The following PABIR3 variants were observed in gnomAD, a reference collection of about 807,000 sequenced individuals.
PABIR3 encodes the protein PABIR family member 3.
A neutral mutation model predicts 23.1 loss-of-function variants in PABIR3; 20 were observed. That is an observed-to-expected ratio of 0.86 (90% confidence interval 0.61 to 1.26). The LOEUF (loss-of-function observed/expected upper bound fraction) is 1.26. Ranked by LOEUF, PABIR3 falls within the 50% of genes most tolerant of loss-of-function variation. The pLI, the probability that PABIR3 is intolerant of heterozygous loss-of-function variation, is 0.00. For missense variants in PABIR3, 189 were observed against 195.4 expected, an observed-to-expected ratio of 0.97 and a Z score of 0.20; for synonymous variants, 69 against 68.5, an observed-to-expected ratio of 1.01 and a Z score of -0.04.
rs868581874 is a variant in PABIR3, at chrX:134,821,610, T to C, written c.189+6761T>C. Reference sequence around the variant, plus strand: ...CTTTTCTTGAGCAATTCATCTGTTCTAATTTTAGGCCTACTGACATCTGTC... The same window carrying C: ...CTTTTCTTGAGCAATTCATCTGTTCCAATTTTAGGCCTACTGACATCTGTC... On this transcript the variant is annotated intron_variant, in intron 3 of 10. Transcript: ENST00000645433. 3 of 1,132,712 alleles carry C rather than the reference T, an allele frequency of 2.6e-6. No individual in the cohort carries two copies. In the Middle Eastern group the frequency reaches 7.2e-4, roughly 272 times the overall value. 93.3% of individuals were successfully genotyped at this position (1,132,712 alleles called of 1,213,427 possible).
intron 1 of PABIR3, among the ~76,000 whole-genome samples, chrX:134,799,233 C>T (rs1405599849): frequency 1.8e-5 from 2 of 111,222 alleles, no homozygotes; most frequent in Non-Finnish European, 3.8e-5. Context: ...TAGCATTAGG[C>T]CATAATAACA....
chrX:134,845,033 A>C (rs2082387841), intron 4 of PABIR3, among the ~76,000 whole-genome samples, 172 bp from the exon 5 acceptor site: 1 of 112,213 alleles, frequency 8.9e-6, no homozygotes, highest in Non-Finnish European at 1.9e-5. Context: ...TGGTGTGATA[A>C]TTTGTGAAGC....
downstream of PABIR3, among the ~76,000 whole-genome samples, chrX:134,855,582 A>T (rs2082745569): frequency 8.9e-6 from 1 of 112,019 alleles, no homozygotes; most frequent in African/African-American, 3.2e-5. Context: ...TATCTCAAAT[A>T]CGTATAAAAG....
Position 134,808,858 on chromosome X carries a change from G to A in PABIR3, c.110+1150G>A, listed in dbSNP as rs781588751. Reference sequence around the variant, plus strand: ...TGGAGCAGAAAGTTTTGGTACCACAGAAGCTTGATCTCCTAAATTACACAT... The same window carrying A: ...TGGAGCAGAAAGTTTTGGTACCACAAAAGCTTGATCTCCTAAATTACACAT... On this transcript the variant is annotated intron_variant, in intron 2 of 10. Coordinates refer to ENST00000645433, the MANE Select transcript of PABIR3 (RefSeq NM_001388447.1). Among the ~76,000 whole-genome samples, 4 of 111,964 alleles carry A rather than the reference G, an allele frequency of 3.6e-5. No homozygotes were observed. The South Asian group carries it at 1.5e-3, about 41-fold the overall frequency.
chrX:134,815,240 C>G (rs866393596), intron 3 of PABIR3, among the ~76,000 whole-genome samples: 1 of 109,784 alleles, frequency 9.1e-6, no homozygotes, highest in Non-Finnish European at 1.9e-5. Flanking sequence ...TTTGCAGACT[C>G]TCCTAAAAGT....
chrX:134,814,555 G>C (rs1017540711), intron 2 of PABIR3, among the ~76,000 whole-genome samples: 5 of 110,606 alleles, frequency 4.5e-5, no homozygotes, highest in East Asian at 5.7e-4. Flanking sequence ...AAAATTAGCT[G>C]GGCATGGTGG....
At chrX:134,849,302 C>T in intron 9 of PABIR3, 74 bp downstream of exon 9, 2 of 454,028 alleles carry the variant, frequency 4.4e-6, no homozygotes, top group South Asian at 1.1e-4. Context: ...AAATGTTATA[C>T]AAAAATGTAT....
chrX:134,802,333 C>T (rs756326148), upstream of PABIR3, among the ~76,000 whole-genome samples: 1 of 111,720 alleles, frequency 9.0e-6, no homozygotes, highest in African/African-American at 3.3e-5. Flanking sequence ...GATCCACCCA[C>T]CTCGGCCTCC....
chrX:134,820,982 A>G (rs1027035954), intron 3 of PABIR3, among the ~76,000 whole-genome samples: 56 of 106,980 alleles, frequency 5.2e-4, no homozygotes, highest in African/African-American at 1.9e-3. Context: ...AGATCCCGCC[A>G]CTGCACTCCA....
chrX:134,849,481 A>C (rs1486813331), intron 9 of PABIR3, among the ~76,000 whole-genome samples: 2 of 111,816 alleles, frequency 1.8e-5, no homozygotes, highest in Admixed American at 9.6e-5. Context: ...TTTCAATATA[A>C]TTCACCAAGG....
chrX:134,823,222 A>G (rs2081366811), intron 3 of PABIR3, among the ~76,000 whole-genome samples: 1 of 112,326 alleles, frequency 8.9e-6, no homozygotes, highest in African/African-American at 3.2e-5. Flanking sequence ...GTACCCCCAA[A>G]CCTAAAATAA....
intron 3 of PABIR3, among the ~76,000 whole-genome samples, chrX:134,816,633 C>G (rs2080994978): frequency 9.0e-6 from 1 of 111,156 alleles, no homozygotes; most frequent in Admixed American, 9.6e-5. Context: ...GGTGTTGATT[C>G]TTTAAATGTT....
chrX:134,836,214 A>T (rs1372327373), intron 4 of PABIR3, among the ~76,000 whole-genome samples: 1 of 110,830 alleles, frequency 9.0e-6, no homozygotes, highest in African/African-American at 3.3e-5. Context: ...CTCAAGTGGT[A>T]CTCCTGCCTC....
chrX:134,823,964 C>A (rs931724424), intron 3 of PABIR3, among the ~76,000 whole-genome samples: 1 of 111,378 alleles, frequency 9.0e-6, no homozygotes, highest in African/African-American at 3.3e-5. Flanking sequence ...TATAAGTTTT[C>A]TGGAGGGCAG....
At chrX:134,819,833 C>T (rs752271221) in intron 3 of PABIR3, among the ~76,000 whole-genome samples, 68 of 111,107 alleles carry the variant, frequency 6.1e-4, no homozygotes, top group African/African-American at 2.1e-3. Flanking sequence ...TGCAGTGAGC[C>T]GAGATCACGC....
rs747207561 is a variant in PABIR3 at position 134,852,879 on chromosome X, G to A, written c.669G>A (p.Leu223=). ...TGCTTTCTTCTGATACTTCCCAACT[G>A]TCAGAAAATAATGTGTAGTGAGTAT... ...TNMLSSDTSQ[L]SENNVYLLPA... The change falls in exon 10 of 11, where the codon CTG becomes CTA. Residue 223 remains leucine (L), a synonymous_variant. Coordinates refer to ENST00000645433, the MANE Select transcript of PABIR3 (RefSeq NM_001388447.1). 8.9e-7 allele frequency: 1 copy of A among 1,128,468 alleles called. No homozygotes were observed. The allele number at this position is 1,128,468 out of a possible 1,213,427, so 93.0% of individuals were successfully genotyped here.
At chrX:134,834,880 G>A (rs747015266) in intron 4 of PABIR3, among the ~76,000 whole-genome samples, 3 of 110,905 alleles carry the variant, frequency 2.7e-5, no homozygotes, top group Non-Finnish European at 3.8e-5. Context: ...TCTCTGTTTT[G>A]GTACCAGCAC....
At chrX:134,826,203 C>T (rs758359847) in intron 3 of PABIR3, among the ~76,000 whole-genome samples, 1 of 111,299 alleles carries the variant, frequency 9.0e-6, no homozygotes, top group Non-Finnish European at 1.9e-5. Context: ...GTCCTTTCTC[C>T]CTCCACGAAC....
intron 3 of PABIR3, chrX:134,821,834 G>A: frequency 1.3e-6 from 1 of 790,663 alleles, no homozygotes; most frequent in Non-Finnish European, 1.5e-6. Flanking sequence ...TAAACACAGT[G>A]TACAACCCTT....
Sources: allele counts gnomAD v4.1 joint callset (sites outside exome capture counted in the v4.1 genomes callset), GRCh38; gene constraint gnomAD v4.1.1; transcripts MANE v1.5; gene names NCBI Gene and HGNC (gene_info 2026-07-23, HGNC 2026-07-21).